ANKRD11: variants seen among roughly 807,000 people sequenced by gnomAD.
The protein encoded by ANKRD11 is ankyrin repeat domain-containing protein 11.
ANKRD11 carries 17 observed loss-of-function variants against 195.7 expected under a neutral mutation model. The observed-to-expected ratio is 0.09, with a 90% CI of 0.06 to 0.13. The LOEUF (loss-of-function observed/expected upper bound fraction) is 0.13. Ranked by LOEUF, ANKRD11 falls within the 10% of genes least tolerant of loss-of-function variation. The pLI is 1.00. For missense variants in ANKRD11, 3,735 were observed against 3,566.1 expected (o/e 1.05, Z -1.21); for synonymous variants, 1,953 against 1,528.1 (o/e 1.28, Z -6.49).
chr16:89,397,469 G>A (rs906972173), intron 2 of ANKRD11, among the ~76,000 whole-genome samples: 10 of 152,368 alleles, frequency 6.6e-5, no homozygotes, highest in Middle Eastern at 3.4e-3. Context: ...GGACCCACAG[G>A]AAGCAGGCCT....
chr16:89,486,714 T>A (rs2057626535), intron 1 of ANKRD11, among the ~76,000 whole-genome samples: 1 of 152,016 alleles, frequency 6.6e-6, no homozygotes, highest in South Asian at 2.1e-4. Flanking sequence ...ATCATAAAAA[T>A]AACATTTGAG....
chr16:89,483,870 AG>A (rs1032082557), intron 1 of ANKRD11, among the ~76,000 whole-genome samples: 2 of 152,208 alleles, frequency 1.3e-5, no homozygotes, highest in Non-Finnish European at 2.9e-5. Context: ...TAATATATTA[AG>A]CTCTAAAGAA....
At chr16:89,339,483 C>A (rs1259050272) in intron 2 of ANKRD11, among the ~76,000 whole-genome samples, 1 of 152,030 alleles carries the variant, frequency 6.6e-6, no homozygotes, top group Non-Finnish European at 1.5e-5. Context: ...GTGCACGCAG[C>A]GCATGTGAAG....
intron 2 of ANKRD11, among the ~76,000 whole-genome samples, chr16:89,388,678 C>G (rs192004280): frequency 6.6e-6 from 1 of 152,178 alleles, no homozygotes; most frequent in African/African-American, 2.4e-5. Context: ...CGGGGACCCC[C>G]TTGGAGGTTT....
chr16:89,283,728 G>A lies in ANKRD11; in HGVS notation c.2814C>T (p.Asp938=). 1 of 1,613,790 alleles carries A rather than the reference G, an allele frequency of 6.2e-7. No individual in the cohort carries two copies. The change falls in exon 9 of 13, where the codon GAC becomes GAT. Residue 938 remains aspartate, a synonymous_variant. Coordinates refer to ENST00000301030, the MANE Select transcript of ANKRD11 (RefSeq NM_013275.6). The surrounding 1 kb of genome is among the most constrained non-coding windows in gnomAD (Gnocchi z 4.3). ...KSVPGYLSEK[D]KKRRESAEAG... ...CCTCTGCGGACTCTCTCCTCTTCTT[G>A]TCCTTTTCCGAAAGGTAGCCAGGGA...
At position 89,285,661 on chromosome 16, in the gene ANKRD11, A is replaced by G; in HGVS notation, c.893-12T>C. On this transcript the variant is annotated splice_polypyrimidine_tract_variant and intron_variant, in intron 8 of 12. Coordinates refer to ENST00000301030, the MANE Select transcript of ANKRD11 (RefSeq NM_013275.6). The surrounding 1 kb of genome is among the most constrained non-coding windows in gnomAD (Gnocchi z 5.6). ...CTCTTCTGAGCTCTCTGTTGGAGGT[A>G]GGAAGCGAGAGGTCACAGGCAGGCT... The G allele has an allele frequency of 1.2e-6, 2 of 1,613,912 alleles. No individual in the cohort carries two copies. The highest frequency in any genetic ancestry group is 1.7e-6 in the Non-Finnish European group (2 of 1,179,752).
rs542442059 is a variant in ANKRD11, at chr16:89,340,493, T to C, written c.-59-23415A>G. 2.0e-5 allele frequency among the ~76,000 whole-genome samples: 3 copies of C among 152,340 alleles called. No individual in the cohort carries two copies. The East Asian group carries it at 5.8e-4, about 29-fold the overall frequency. ...TTTCACAATGTTGTCCAGGCTGATC[T>C]TGAACTCCTGACTTCAGGCGATCCA... On this transcript the variant is annotated intron_variant, in intron 2 of 12. Transcript: ENST00000301030.
At chr16:89,461,044 AC>A (rs1443697035) in intron 1 of ANKRD11, among the ~76,000 whole-genome samples, 1 of 99,440 alleles carries the variant, frequency 1.0e-5, no homozygotes, top group African/African-American at 4.0e-5. Context: ...TCGTATGACC[AC>A]CCCCCCGCAG....
intron 2 of ANKRD11, among the ~76,000 whole-genome samples, chr16:89,329,995 A>AAAAATAAAATAAATAAAATAAAAT (rs2037960130): frequency 6.8e-6 from 1 of 146,212 alleles, no homozygotes; most frequent in African/African-American, 2.6e-5. Context: ...ACCTTGTCTC[A>AAAAATAAAATAAATAAAATAAAAT]AAAATAAAAT....
At chr16:89,347,060 G>C (rs960390223) in intron 2 of ANKRD11, among the ~76,000 whole-genome samples, 2 of 152,184 alleles carry the variant, frequency 1.3e-5, no homozygotes, top group African/African-American at 4.8e-5. Context: ...TGGGCGAAAG[G>C]CCAGCTAAAG....
At chr16:89,325,232 G>C (rs141210374) in intron 2 of ANKRD11, 2 of 152,210 alleles carry the variant, frequency 1.3e-5, no homozygotes, top group African/African-American at 4.8e-5. Context: ...ACATCACAAC[G>C]TAAGTCAATC....
At chr16:89,339,533 A>ACG (rs2038555242) in intron 2 of ANKRD11, among the ~76,000 whole-genome samples, 8 of 152,238 alleles carry the variant, frequency 5.3e-5, no homozygotes, top group African/African-American at 1.7e-4. Context: ...ACCATTTCGG[A>ACG]AATTTAGACG....
chr16:89,332,623 T>C (rs1478131903), intron 2 of ANKRD11, among the ~76,000 whole-genome samples: 1 of 152,216 alleles, frequency 6.6e-6, no homozygotes, highest in Admixed American at 6.5e-5. Context: ...ATCCAAGTTA[T>C]CATCACTGTA....
intron 1 of ANKRD11, among the ~76,000 whole-genome samples, chr16:89,455,032 C>G: frequency 1.1e-5 from 1 of 90,758 alleles, no homozygotes; most frequent in African/African-American, 4.3e-5. Flanking sequence ...GTTCCTCAAG[C>G]TGCTCCCCTG....
At chr16:89,444,167 A>G (rs1264940349) in intron 1 of ANKRD11, among the ~76,000 whole-genome samples, 3 of 152,150 alleles carry the variant, frequency 2.0e-5, no homozygotes, top group Non-Finnish European at 4.4e-5. Context: ...AGTAAGACTC[A>G]AAACAGGTAG....
chr16:89,389,115 C>T (rs1042992757), intron 2 of ANKRD11, among the ~76,000 whole-genome samples: 1 of 152,008 alleles, frequency 6.6e-6, no homozygotes, highest in African/African-American at 2.4e-5. Context: ...GCCTCCAGGG[C>T]TCAGGCAATC....
At chr16:89,392,452 T>C (rs930290195) in intron 2 of ANKRD11, 2 of 152,094 alleles carry the variant, frequency 1.3e-5, no homozygotes, top group African/African-American at 4.8e-5. Flanking sequence ...GGGTAAACGA[T>C]GGAAATAAGA....
intron 1 of ANKRD11, among the ~76,000 whole-genome samples, chr16:89,426,259 G>C (rs1293827782): frequency 6.6e-6 from 1 of 152,136 alleles, no homozygotes; most frequent in Non-Finnish European, 1.5e-5. Context: ...GAAAATTAGA[G>C]GAGGACAAAG....
rs374692705 is a variant in ANKRD11 at position 89,473,792 on chromosome 16, T to C, written c.-145+16453A>G. Among the ~76,000 whole-genome samples the C allele has an allele frequency of 1.8e-4, 28 of 152,306 alleles. 1 individual carries two copies. The South Asian group carries it at 4.4e-3, about 24-fold the overall frequency. On this transcript the variant is annotated intron_variant, in intron 1 of 12. Coordinates refer to ENST00000301030, the MANE Select transcript of ANKRD11 (RefSeq NM_013275.6). ...CCCACCCAGTGTCCATGCCTCCTTG[T>C]AGCCACCTTGCCCGGAGTGCAAGGC... is the stretch of plus-strand genomic sequence containing the variant.
Sources: gnomAD v4.1 joint callset for allele counts (sites outside exome capture counted in the v4.1 genomes callset) on GRCh38, gnomAD v4.1.1 for gene constraint, Gnocchi (gnomAD v3.1) non-coding constraint, MANE v1.5 for transcripts, NCBI Gene and HGNC (gene_info 2026-07-23, HGNC 2026-07-21) for gene names.